The following RASGEF1C variants were observed in gnomAD, a reference collection of about 807,000 sequenced individuals.
The protein encoded by RASGEF1C is ras-GEF domain-containing family member 1C.
RASGEF1C carries 27 observed loss-of-function variants against 58.1 expected under a neutral mutation model. The observed-to-expected ratio is 0.46, with a 90% CI of 0.34 to 0.64. RASGEF1C has a LOEUF of 0.64. Among genes scored for constraint, RASGEF1C ranks in the 30% least tolerant of loss-of-function variants. The pLI is 0.01. For missense variants in RASGEF1C, 502 were observed against 605.1 expected, an observed-to-expected ratio of 0.83 and a Z score of 1.79; for synonymous variants, 243 against 246.3, an observed-to-expected ratio of 0.99 and a Z score of 0.13.
chr5:180,132,802 C>G (rs376691640), intron 4 of RASGEF1C, among the ~76,000 whole-genome samples: 1 of 152,122 alleles, frequency 6.6e-6, no homozygotes, highest in South Asian at 2.1e-4. Context: ...AACCCTGTCT[C>G]TACTAAAAAC....
At chr5:180,182,845 TG>T (rs1200406615) in intron 1 of RASGEF1C, among the ~76,000 whole-genome samples, 4 of 152,180 alleles carry the variant, frequency 2.6e-5, no homozygotes, top group South Asian at 4.1e-4. Context: ...GGAGGGAGAC[TG>T]GGATCAAGCT....
chr5:180,182,137 G>A lies in RASGEF1C; in HGVS notation c.-7+26891C>T, dbSNP rs534104431. ...GGAGAATGGCGGGAACCCGGGAGGT[G>A]GAGCTTGCAGTGAGTCGAGATCGCG... On this transcript the variant is annotated intron_variant, in intron 1 of 13. Coordinates refer to ENST00000361132, the MANE Select transcript of RASGEF1C (RefSeq NM_175062.4). Among the ~76,000 whole-genome samples the A allele has an allele frequency of 2.0e-4, 29 of 144,872 alleles. No individual in the cohort carries two copies. In the East Asian group the frequency reaches 3.9e-3, roughly 19 times the overall value.
At chr5:180,113,085 G>A (rs1158914788) in intron 11 of RASGEF1C, among the ~76,000 whole-genome samples, 1 of 141,428 alleles carries the variant, frequency 7.1e-6, no homozygotes, top group African/African-American at 2.7e-5. Flanking sequence ...ACCGGGGATG[G>A]ACAGAGGGAC....
intron 1 of RASGEF1C, among the ~76,000 whole-genome samples, chr5:180,146,793 G>A (rs138748525): frequency 6.6e-4 from 100 of 152,274 alleles, no homozygotes; most frequent in African/African-American, 2.3e-3. Flanking sequence ...GCTTCTGTCT[G>A]GCTTTGGTAT....
At chr5:180,131,018 C>T (rs1766357125) in intron 4 of RASGEF1C, among the ~76,000 whole-genome samples, 1 of 151,974 alleles carries the variant, frequency 6.6e-6, no homozygotes, top group African/African-American at 2.4e-5. Flanking sequence ...CATCACCACC[C>T]CTCTCTAGTT....
At chr5:180,136,721 T>G in intron 3 of RASGEF1C, 28 of 580,988 alleles carry the variant, frequency 4.8e-5, no homozygotes, top group Non-Finnish European at 5.7e-5. Flanking sequence ...GGGCCATCTC[T>G]TGCTCTGGCC....
Position 180,118,626 on chromosome 5 carries a change from G to T in RASGEF1C, c.1066C>A (p.His356Asn). 1 of 1,612,560 alleles carries T rather than the reference G, an allele frequency of 6.2e-7. No individual in the cohort carries two copies. Among genetic ancestry groups the T allele is most frequent in the Non-Finnish European group, 8.5e-7 (1 of 1,179,148 alleles). Residue 356 changes from histidine (H) to asparagine (N), a missense_variant, in exon 10 of 14, where the codon CAC becomes AAC. Coordinates refer to ENST00000361132, the MANE Select transcript of RASGEF1C (RefSeq NM_175062.4). ...CGACCTACCTTCTCTCGGCTGCTGT[G>T]GGCCGTCAGGGAGCGGTGGGCCGCC... ...RGAAHRSLTA[H>N]SSREKIVIPF...
rs1269097100 is a variant in RASGEF1C, at chr5:180,155,171, C to T, written c.-6-17113G>A. ...ACAGAAACCTCAAGGGAGGAAAGCC[C>T]CCAACCCTGAGTATGGGTCTGGACT... is the stretch of plus-strand genomic sequence containing the variant. On this transcript the variant is annotated intron_variant, in intron 1 of 13. Transcript: ENST00000361132. This position sits in a 1 kb window ranked among gnomAD's most constrained non-coding sequence, Gnocchi z 5.2. Among the ~76,000 whole-genome samples, 1 of 152,190 alleles carries T rather than the reference C, an allele frequency of 6.6e-6. No individual in the cohort carries two copies. Among genetic ancestry groups the T allele is most frequent in the East Asian group, 1.9e-4 (1 of 5,180 alleles).
rs1438758870 is a variant in RASGEF1C at position 180,101,449 on chromosome 5, G to C, written c.*52C>G. 3.1e-6 allele frequency: 5 copies of C among 1,603,146 alleles called. No individual in the cohort carries two copies. The Admixed American group carries it at 8.3e-5, about 27-fold the overall frequency. ...CCCACTGGGCCACTGAGGCAGGGCTGTGGACGGCTTCTGCGGGCTCCAGCT... is the reference window on the plus strand; with the variant it reads ...CCCACTGGGCCACTGAGGCAGGGCTCTGGACGGCTTCTGCGGGCTCCAGCT... On this transcript the variant is annotated 3_prime_UTR_variant, in exon 14 of 14. Transcript: ENST00000361132.
intron 1 of RASGEF1C, among the ~76,000 whole-genome samples, chr5:180,151,373 T>C (rs1766742941): frequency 6.6e-6 from 1 of 152,130 alleles, no homozygotes; most frequent in African/African-American, 2.4e-5. Context: ...AACAGAGATA[T>C]AGACCAATGG....
chr5:180,151,260 G>C (rs1766741835), intron 1 of RASGEF1C, among the ~76,000 whole-genome samples: 2 of 152,154 alleles, frequency 1.3e-5, no homozygotes, highest in African/African-American at 4.8e-5. Context: ...GCATTGCCAA[G>C]TCAATGCTAA....
chr5:180,138,257 T>C, intron 1 of RASGEF1C, 199 bp from the exon 2 acceptor site: 1 of 436,906 alleles, frequency 2.3e-6, no homozygotes, highest in East Asian at 3.6e-5. Flanking sequence ...ATTCTCCGTC[T>C]TCTCATGGCC....
At chr5:180,180,719 G>C (rs1033167682) in intron 1 of RASGEF1C, among the ~76,000 whole-genome samples, 1 of 152,190 alleles carries the variant, frequency 6.6e-6, no homozygotes, top group African/African-American at 2.4e-5. Flanking sequence ...GGCTGTGGTT[G>C]TGTTGTTTAC....
chr5:180,119,284 C>G, intron 8 of RASGEF1C, 62 bp downstream of exon 8: 1 of 1,380,340 alleles, frequency 7.2e-7, no homozygotes, highest in South Asian at 1.2e-5. Flanking sequence ...CCTGGCTGCA[C>G]CCACTCCGGC....
At chr5:180,121,677 A>G (rs959889481) in intron 6 of RASGEF1C, among the ~76,000 whole-genome samples, 2 of 29,690 alleles carry the variant, frequency 6.7e-5, no homozygotes, top group African/African-American at 2.0e-4. Flanking sequence ...ACACACACAC[A>G]CACACCCTCA....
In RASGEF1C at chr5:180,155,621, C is replaced by T. The variant is rs1766836579; in HGVS notation, c.-6-17563G>A. Among the ~76,000 whole-genome samples the T allele has an allele frequency of 6.6e-6, 1 of 152,108 alleles. No homozygotes were observed. The highest frequency in any genetic ancestry group is 1.5e-5 in the Non-Finnish European group (1 of 68,014). The stretch of plus-strand genomic sequence containing the variant: ...TCTGTTGGATGCGAGGCGACAGCAC[C>T]AAGACCCACGGCAGATTGGCCACTA... On this transcript the variant is annotated intron_variant, in intron 1 of 13. Transcript: ENST00000361132. This position sits in a 1 kb window ranked among gnomAD's most constrained non-coding sequence, Gnocchi z 5.2.
intron 1 of RASGEF1C, among the ~76,000 whole-genome samples, chr5:180,141,988 T>C (rs956223524): frequency 6.6e-6 from 1 of 152,196 alleles, no homozygotes; most frequent in African/African-American, 2.4e-5. Flanking sequence ...GACAATTGTT[T>C]ATTGTTACAA....
chr5:180,168,819 T>C lies in RASGEF1C; in HGVS notation c.-6-30761A>G, dbSNP rs550661393. Among the ~76,000 whole-genome samples, 16 of 152,186 alleles carry C rather than the reference T, an allele frequency of 1.1e-4. No individual in the cohort carries two copies. The highest frequency in any genetic ancestry group is 6.2e-4 in the South Asian group (3 of 4,832). On this transcript the variant is annotated intron_variant, in intron 1 of 13. Coordinates refer to ENST00000361132, the MANE Select transcript of RASGEF1C (RefSeq NM_175062.4). The surrounding 1 kb of genome is among the most constrained non-coding windows in gnomAD (Gnocchi z 6.0). Reference sequence around the variant, plus strand: ...ATGGATTTTCTCCATGCTCTGTGAATAATAAGAGACCCTCCTCCCGTTCCT... The same window carrying C: ...ATGGATTTTCTCCATGCTCTGTGAACAATAAGAGACCCTCCTCCCGTTCCT...
At chr5:180,183,198 A>G (rs896550160) in intron 1 of RASGEF1C, among the ~76,000 whole-genome samples, 1 of 152,234 alleles carries the variant, frequency 6.6e-6, no homozygotes, top group Non-Finnish European at 1.5e-5. Context: ...GCAAGGAAAT[A>G]AATTCTGCCA....
Sources: gnomAD v4.1 joint callset for allele counts (sites outside exome capture counted in the v4.1 genomes callset) on GRCh38, gnomAD v4.1.1 for gene constraint, Gnocchi (gnomAD v3.1) non-coding constraint, MANE v1.5 for transcripts, NCBI Gene and HGNC (gene_info 2026-07-23, HGNC 2026-07-21) for gene names.